The following GALNT1 variants were observed in gnomAD, a reference collection of about 807,000 sequenced individuals.
GALNT1 encodes GalNAc transferase 1.
Under a neutral mutation model 65.7 loss-of-function variants are expected in GALNT1, and 17 were observed. The observed-to-expected ratio is 0.26, with a 90% CI of 0.18 to 0.39. The LOEUF is 0.39. Among genes scored for constraint, GALNT1 ranks in the 10% least tolerant of loss-of-function variants. The probability of loss-of-function intolerance (pLI) is 1.00; values close to 1 mark genes in which losing one functional copy is unlikely to be tolerated. For synonymous variants in GALNT1, 210 were observed against 219.7 expected, an observed-to-expected ratio of 0.96 and a Z score of 0.39; for missense variants, 460 against 672.8, an observed-to-expected ratio of 0.68 and a Z score of 3.50.
rs2048348487 is a variant in GALNT1 at position 35,711,389 on chromosome 18, T to A, written c.*1619T>A. ...CGCTAATGATATTTGCCAAGTTGAGTGTACACAAAGTTTCTCATATCCTGT... is the reference window on the plus strand; with the variant it reads ...CGCTAATGATATTTGCCAAGTTGAGAGTACACAAAGTTTCTCATATCCTGT... On this transcript the variant is annotated 3_prime_UTR_variant, in exon 12 of 12. Coordinates refer to ENST00000269195, the MANE Select transcript of GALNT1 (RefSeq NM_020474.4). 6.6e-6 allele frequency: 1 copy of A among 152,596 alleles called. No individual in the cohort carries two copies. Among genetic ancestry groups the A allele is most frequent in the Non-Finnish European group, 1.5e-5 (1 of 68,034 alleles). 9.5% of individuals were successfully genotyped at this position (152,596 alleles called of 1,614,324 possible).
intron 1 of GALNT1, among the ~76,000 whole-genome samples, chr18:35,599,366 C>CCT (rs61028491): frequency 9.8e-5 from 12 of 122,734 alleles, no homozygotes; most frequent in African/African-American, 2.2e-4. Context: ...GAGATTTACA[C>CCT]TTTTTTTTTT....
At chr18:35,606,971 C>T (rs2046658032) in intron 1 of GALNT1, among the ~76,000 whole-genome samples, 1 of 151,862 alleles carries the variant, frequency 6.6e-6, no homozygotes, top group South Asian at 2.1e-4. Flanking sequence ...ACTGCCTGAC[C>T]CCCACAGTTC....
intron 4 of GALNT1, among the ~76,000 whole-genome samples, chr18:35,683,102 T>A (rs2047810993): frequency 6.7e-6 from 1 of 149,450 alleles, no homozygotes; most frequent in Admixed American, 6.9e-5. Context: ...GAGAAAGAAT[T>A]GAGTCTAACA....
intron 9 of GALNT1, 107 bp from the exon 10 acceptor site, chr18:35,702,790 T>G (rs1469951567): frequency 3.1e-6 from 2 of 635,372 alleles, no homozygotes; most frequent in Non-Finnish European, 2.6e-6. Context: ...CATTTCAGAG[T>G]AGGGCCAGGG....
chr18:35,621,728 A>G (rs566802035), intron 1 of GALNT1, among the ~76,000 whole-genome samples: 1 of 152,274 alleles, frequency 6.6e-6, no homozygotes, highest in Admixed American at 6.5e-5. Context: ...ATAGTTGCCT[A>G]TAGTTTAGAG....
intron 1 of GALNT1, among the ~76,000 whole-genome samples, chr18:35,648,104 A>G (rs1353671868): frequency 1.4e-5 from 2 of 142,474 alleles, no homozygotes; most frequent in African/African-American, 5.2e-5. Flanking sequence ...GGGAGGGAGG[A>G]AAGGAGGGAA....
Position 35,677,747 on chromosome 18 carries a change from C to T in GALNT1, c.471C>T (p.Ala157=). ...MIEEIVLVDD[A]SERDFLKRPL... ...AAGAAATTGTTCTAGTAGATGATGC[C>T]AGTGAAAGAGGTAAATTTTAAATTT... is the stretch of plus-strand genomic sequence containing the variant. Residue 157 remains alanine (A), a synonymous_variant, in exon 4 of 12, where the codon GCC becomes GCT. Transcript: ENST00000269195. The T allele has an allele frequency of 1.3e-6, 2 of 1,595,192 alleles. No homozygotes were observed. The highest frequency in any genetic ancestry group is 1.1e-5 in the South Asian group (1 of 87,712).
At position 35,687,106 on chromosome 18, in the gene GALNT1, C is replaced by A. The variant is rs2047879998; in HGVS notation, c.780C>A (p.Asn260Lys). The A allele has an allele frequency of 6.2e-7, 1 of 1,613,756 alleles. No homozygotes were observed. Among genetic ancestry groups the A allele is most frequent in the African/African-American group, 1.3e-5 (1 of 74,886 alleles). ...CTGATATGACCTATGGTGGGTTCAA[C>A]TGGAAGCTCAATTTTCGCTGGTATC... is the stretch of plus-strand genomic sequence containing the variant. ...AGSDMTYGGFNWKLNFRWYPV... is the reference protein window; with the variant it reads ...AGSDMTYGGFKWKLNFRWYPV... Residue 260 changes from asparagine to lysine, a missense_variant, in exon 6 of 12, where the codon AAC becomes AAA. Transcript: ENST00000269195.
intron 3 of GALNT1, among the ~76,000 whole-genome samples, chr18:35,670,011 C>A (rs77343156): frequency 6.6e-6 from 1 of 152,088 alleles, no homozygotes; most frequent in Non-Finnish European, 1.5e-5. Context: ...GTTTAGAGAC[C>A]GGTCACGGTG....
At chr18:35,693,384 CAA>C (rs1212684456) in intron 9 of GALNT1, among the ~76,000 whole-genome samples, 1 of 152,132 alleles carries the variant, frequency 6.6e-6, no homozygotes, top group East Asian at 1.9e-4. Context: ...AGGTCAAAGA[CAA>C]AGTGAGGGTC....
chr18:35,653,654 C>CT (rs1193422606), intron 1 of GALNT1, among the ~76,000 whole-genome samples: 1 of 152,228 alleles, frequency 6.6e-6, no homozygotes, highest in Non-Finnish European at 1.5e-5. Context: ...TCTCTGAGGT[C>CT]TCTCAGGCTG....
At chr18:35,609,465 G>A (rs1282558778) in intron 1 of GALNT1, among the ~76,000 whole-genome samples, 1 of 152,170 alleles carries the variant, frequency 6.6e-6, no homozygotes, top group African/African-American at 2.4e-5. Flanking sequence ...TTTGCCTGGA[G>A]CGCCTTGCTG....
intron 3 of GALNT1, among the ~76,000 whole-genome samples, chr18:35,668,301 AAG>A (rs1408320076): frequency 2.6e-5 from 4 of 152,168 alleles, no homozygotes; most frequent in Non-Finnish European, 4.4e-5. Context: ...TCAAGAAAAT[AAG>A]AGAGTCACAA....
chr18:35,651,391 A>G (rs1048981638), intron 1 of GALNT1, among the ~76,000 whole-genome samples: 8 of 152,202 alleles, frequency 5.3e-5, no homozygotes, highest in African/African-American at 1.7e-4. Context: ...TAATTTTAAA[A>G]GTCTGATTTT....
chr18:35,628,945 T>G (rs2046962322), intron 1 of GALNT1, among the ~76,000 whole-genome samples: 1 of 152,118 alleles, frequency 6.6e-6, no homozygotes, highest in South Asian at 2.1e-4. Context: ...GCTGATTCGA[T>G]CAACTGGAAG....
At chr18:35,709,013 A>G (rs911692243) in intron 11 of GALNT1, among the ~76,000 whole-genome samples, 3 of 152,164 alleles carry the variant, frequency 2.0e-5, no homozygotes, top group African/African-American at 7.2e-5. Flanking sequence ...CATCTCCTTT[A>G]ACCACCAGGA....
intron 1 of GALNT1, among the ~76,000 whole-genome samples, chr18:35,584,283 A>G (rs1342526326): frequency 6.6e-6 from 1 of 152,214 alleles, no homozygotes; most frequent in Admixed American, 6.5e-5. Flanking sequence ...TATGTAACAT[A>G]CAACTTTGGT....
At chr18:35,620,825 TC>T (rs1370422115) in intron 1 of GALNT1, among the ~76,000 whole-genome samples, 2 of 152,008 alleles carry the variant, frequency 1.3e-5, no homozygotes, top group Non-Finnish European at 2.9e-5. Context: ...CAATCATGTC[TC>T]TTTATACTCA....
chr18:35,586,182 G>A (rs1364533309), intron 1 of GALNT1, among the ~76,000 whole-genome samples: 1 of 152,124 alleles, frequency 6.6e-6, no homozygotes, highest in Non-Finnish European at 1.5e-5. Context: ...GTTTTAACGT[G>A]CATTTCCTTA....
Sources: allele counts gnomAD v4.1 joint callset (sites outside exome capture counted in the v4.1 genomes callset), GRCh38; gene constraint gnomAD v4.1.1; transcripts MANE v1.5; gene names NCBI Gene and HGNC (gene_info 2026-07-23, HGNC 2026-07-21).